The following SAMD8 variants were observed in gnomAD, a reference collection of about 807,000 sequenced individuals.
The protein encoded by SAMD8 is sphingomyelin synthase-related protein 1.
SAMD8 carries 20 observed loss-of-function variants against 42.0 expected under a neutral mutation model. That is an observed-to-expected ratio of 0.48 (90% CI 0.34 to 0.69). The LOEUF (loss-of-function observed/expected upper bound fraction) is 0.69, where lower values mean the gene tolerates loss of function less well. Among genes scored for constraint, SAMD8 ranks in the 30% least tolerant of loss-of-function variants. The probability of loss-of-function intolerance (pLI) is 0.01; values close to 1 mark genes in which losing one functional copy is unlikely to be tolerated. For synonymous variants in SAMD8, 162 were observed against 173.0 expected, an observed-to-expected ratio of 0.94 and a Z score of 0.50; for missense variants, 328 against 511.6, an observed-to-expected ratio of 0.64 and a Z score of 3.46.
At chr10:75,129,137 T>TCTTC (rs140577316) in intron 1 of SAMD8, among the ~76,000 whole-genome samples, 1 of 140,228 alleles carries the variant, frequency 7.1e-6, no homozygotes, top group South Asian at 2.2e-4. Context: ...TTCTTCTTCT[T>TCTTC]ATTTTTTTTT....
intron 1 of SAMD8, among the ~76,000 whole-genome samples, chr10:75,130,031 T>G (rs10762659): frequency 0.25 from 37,885 of 151,870 alleles, 5,234 homozygotes; most frequent in East Asian, 0.58. Flanking sequence ...AGGGGAGATA[T>G]TATGGTTAAT....
chr10:75,172,540 C>T (rs993480395), intron 4 of SAMD8, among the ~76,000 whole-genome samples: 1 of 151,856 alleles, frequency 6.6e-6, no homozygotes, highest in East Asian at 1.9e-4. Flanking sequence ...CTCTGTCGCC[C>T]CGGCTAGCGT....
rs1841009507 is a variant in SAMD8 at position 75,177,305 on chromosome 10, G to T, written c.*613G>T. 1 of 152,238 alleles carries T rather than the reference G, an allele frequency of 6.6e-6. No individual in the cohort carries two copies. Among genetic ancestry groups the T allele is most frequent in the Non-Finnish European group, 1.5e-5 (1 of 68,078 alleles). 9.4% of individuals were successfully genotyped at this position (152,238 alleles called of 1,614,324 possible). ...GATGACGTGACAGAGTACTGGCTAG[G>T]ATGCCATTGGTCTCCTCATTAATGC... On this transcript the variant is annotated 3_prime_UTR_variant, in exon 6 of 6. Transcript: ENST00000542569.
At chr10:75,129,446 G>A (rs1420828985) in intron 1 of SAMD8, among the ~76,000 whole-genome samples, 9 of 152,116 alleles carry the variant, frequency 5.9e-5, no homozygotes, top group East Asian at 1.9e-4. Flanking sequence ...TCACCATGTC[G>A]GCCAGGAGGC....
Position 75,103,767 on chromosome 10 carries a change from T to C in SAMD8, c.-16+4039T>C, listed in dbSNP as rs1331522421. On this transcript the variant is annotated intron_variant, in intron 1 of 3. Coordinates refer to the SAMD8 transcript ENST00000447533. ...TGAGGGGAGCTGCTGGAGACAGCTGTGGCCAACAGCTATCACAAATATCTG... is the reference window on the plus strand; with the variant it reads ...TGAGGGGAGCTGCTGGAGACAGCTGCGGCCAACAGCTATCACAAATATCTG... 8 of 736,960 alleles carry C rather than the reference T, an allele frequency of 1.1e-5. No individual in the cohort carries two copies. The Admixed American group carries it at 2.9e-4, about 27-fold the overall frequency. 45.7% of individuals were successfully genotyped at this position (736,960 alleles called of 1,614,324 possible).
intron 3 of SAMD8, among the ~76,000 whole-genome samples, chr10:75,166,855 G>A (rs575619556): frequency 2.8e-4 from 42 of 152,308 alleles, no homozygotes; most frequent in African/African-American, 8.9e-4. Context: ...AAGTGTTAAT[G>A]TTTACTTAGT....
At chr10:75,163,582 G>C (rs999632640) in intron 2 of SAMD8, among the ~76,000 whole-genome samples, 1 of 151,966 alleles carries the variant, frequency 6.6e-6, no homozygotes, top group African/African-American at 2.4e-5. Context: ...TTACAGGCGC[G>C]CAGCACCGCA....
rs1350981615 is a variant in SAMD8, at chr10:75,177,772, T to C, written c.*1080T>C. 1 of 152,262 alleles carries C rather than the reference T, an allele frequency of 6.6e-6. No homozygotes were observed. Among genetic ancestry groups the C allele is most frequent in the Non-Finnish European group, 1.5e-5 (1 of 68,050 alleles). The allele number at this position is 152,262 out of a possible 1,614,324, so 9.4% of individuals were successfully genotyped here. On this transcript the variant is annotated 3_prime_UTR_variant, in exon 6 of 6. Transcript: ENST00000542569. ...TTACTTTTAAATATAATGGTGTATATACATTCTTTCTATTTAGTCTTAATT... is the reference window on the plus strand; with the variant it reads ...TTACTTTTAAATATAATGGTGTATACACATTCTTTCTATTTAGTCTTAATT...
At chr10:75,102,845 G>T (rs181726094) in intron 1 of SAMD8, among the ~76,000 whole-genome samples, 1 of 151,880 alleles carries the variant, frequency 6.6e-6, no homozygotes, top group African/African-American at 2.4e-5. Context: ...CCAGCTACTC[G>T]GGAGCCTGAG....
chr10:75,108,811 TC>T (rs1848676428), upstream of SAMD8, among the ~76,000 whole-genome samples: 1 of 152,276 alleles, frequency 6.6e-6, no homozygotes, highest in Non-Finnish European at 1.5e-5. Flanking sequence ...GCAGGCGAAG[TC>T]CCTGCTCTCC....
At position 75,157,236 on chromosome 10, in the gene SAMD8, A is replaced by G. The variant is rs1017864143; in HGVS notation, c.578+6130A>G. ...ATTAGGCAAAGAAATGATGAGGGGG[A>G]GAGAGAGAGAGAGAGAGAGAATAGG... On this transcript the variant is annotated intron_variant, in intron 2 of 5. Transcript: ENST00000542569. 1.0e-4 allele frequency among the ~76,000 whole-genome samples: 15 copies of G among 148,254 alleles called. No homozygotes were observed. The East Asian group carries it at 1.6e-3, about 16-fold the overall frequency.
intron 1 of SAMD8, chr10:75,105,956 C>A: frequency 7.9e-7 from 1 of 1,272,182 alleles, no homozygotes; most frequent in South Asian, 1.4e-5. Context: ...TTTCCTGACC[C>A]TGCCTTGGGT....
rs147767917 is a variant in SAMD8 at position 75,168,807 on chromosome 10, A to G, written c.792+149A>G. ...AAAAACTATAGAAATAATTTGGTAAAAGTCTTAAGCCAGATTCTACCTCTC... is the reference window on the plus strand; with the variant it reads ...AAAAACTATAGAAATAATTTGGTAAGAGTCTTAAGCCAGATTCTACCTCTC... On this transcript the variant is annotated intron_variant, in intron 4 of 5. Coordinates refer to ENST00000542569, the MANE Select transcript of SAMD8 (RefSeq NM_001174156.2). The G allele has an allele frequency of 1.5e-3, 865 of 590,242 alleles. 5 individuals are homozygous for G. The African/African-American group carries it at 0.015, about 10-fold the overall frequency. 36.6% of individuals were successfully genotyped at this position (590,242 alleles called of 1,614,324 possible). A position where few individuals can be genotyped will look rare whatever the true frequency, so the allele number is the denominator to read the frequency against.
intron 1 of SAMD8, among the ~76,000 whole-genome samples, chr10:75,122,377 C>T (rs745790932): frequency 2.0e-5 from 3 of 150,894 alleles, no homozygotes; most frequent in East Asian, 2.0e-4. Context: ...TTTGGGAGGC[C>T]GAGGCAGGCA....
chr10:75,115,851 G>A (rs370686768), intron 1 of SAMD8, among the ~76,000 whole-genome samples: 1 of 149,432 alleles, frequency 6.7e-6, no homozygotes, highest in Non-Finnish European at 1.5e-5. Flanking sequence ...TGAGGCAGGA[G>A]AATGGCATGA....
At chr10:75,169,169 C>CAAAAA (rs1023080854) in intron 4 of SAMD8, among the ~76,000 whole-genome samples, 2 of 30,234 alleles carry the variant, frequency 6.6e-5, no homozygotes, top group African/African-American at 1.4e-4. Context: ...GACTCCATCT[C>CAAAAA]AAAAAAAAAA....
At chr10:75,166,894 A>G (rs1007003605) in intron 3 of SAMD8, among the ~76,000 whole-genome samples, 1 of 152,224 alleles carries the variant, frequency 6.6e-6, no homozygotes, top group African/African-American at 2.4e-5. Flanking sequence ...AAGTGTTTGT[A>G]CCACTTTCAT....
intron 4 of SAMD8, among the ~76,000 whole-genome samples, chr10:75,171,704 A>G (rs1471149326): frequency 2.0e-5 from 3 of 152,232 alleles, no homozygotes; most frequent in East Asian, 1.9e-4. Flanking sequence ...AAGTAAAATT[A>G]TAGAATTAAA....
rs976349176 is a variant in SAMD8 at position 75,171,177 on chromosome 10, T to C, written c.792+2519T>C. ...TTCTTTTTCTTTTTTTTTTTTTTTT[T>C]TTTTTTTGAGATGGAGTCTCGCTGT... On this transcript the variant is annotated intron_variant, in intron 4 of 5. Coordinates refer to ENST00000542569, the MANE Select transcript of SAMD8 (RefSeq NM_001174156.2). 1.1e-3 allele frequency among the ~76,000 whole-genome samples: 147 copies of C among 130,958 alleles called. 2 individuals are homozygous for C. Among genetic ancestry groups the C allele is most frequent in the African/African-American group, 4.4e-3 (145 of 33,078 alleles). The allele number at this position is 130,958 out of a possible 152,430, so 85.9% of individuals were successfully genotyped here. A position where few individuals can be genotyped will look rare whatever the true frequency, so the allele number is the denominator to read the frequency against.
Sources: allele counts gnomAD v4.1 joint callset (sites outside exome capture counted in the v4.1 genomes callset), GRCh38; gene constraint gnomAD v4.1.1; transcripts MANE v1.5; gene names NCBI Gene and HGNC (gene_info 2026-07-23, HGNC 2026-07-21).